Variants in PIAS2 observed in about 807,000 individuals in gnomAD.
PIAS2 encodes the protein protein inhibitor of activated STAT 2.
In PIAS2, 19 loss-of-function variants were observed where a neutral mutation model predicts 69.7. The ratio of observed to expected loss-of-function variants is 0.27; its 90% confidence interval spans 0.19 to 0.40. The LOEUF is 0.40. PIAS2 is among the 10% of genes least tolerant of loss of function. The pLI is 1.00. For synonymous variants in PIAS2, 261 were observed against 263.2 expected, an observed-to-expected ratio of 0.99 and a Z score of 0.08; for missense variants, 624 against 757.0, an observed-to-expected ratio of 0.82 and a Z score of 2.06.
At chr18:46,827,382 C>A (rs186463016) in intron 11 of PIAS2, 1 of 152,224 alleles carries the variant, frequency 6.6e-6, no homozygotes, top group East Asian at 1.9e-4. Context: ...TGCCATCCTA[C>A]CCACCTATAT....
intron 8 of PIAS2, among the ~76,000 whole-genome samples, chr18:46,837,600 G>A (rs1180060117): frequency 2.6e-5 from 4 of 152,018 alleles, no homozygotes; most frequent in Non-Finnish European, 5.9e-5. Context: ...TTTCATTTAT[G>A]AAAATTTGTT....
In PIAS2 at chr18:46,809,069, T is replaced by C. The variant is rs1403556904; in HGVS notation, c.*3364A>G. ...AGTCAGAACAGTCTCTGGTCAATCC[T>C]ACTTTGCTTAAAATCCAACATTTTA... is the stretch of plus-strand genomic sequence containing the variant. On this transcript the variant is annotated 3_prime_UTR_variant, in exon 14 of 14. Transcript: ENST00000585916. 6.6e-6 allele frequency: 1 copy of C among 152,212 alleles called. No homozygotes were observed. Among genetic ancestry groups the C allele is most frequent in the African/African-American group, 2.4e-5 (1 of 41,450 alleles). 9.4% of individuals were successfully genotyped at this position (152,212 alleles called of 1,614,324 possible). A position where few individuals can be genotyped will look rare whatever the true frequency, so the allele number is the denominator to read the frequency against.
At chr18:46,911,688 T>C (rs941591533) in intron 1 of PIAS2, among the ~76,000 whole-genome samples, 13 of 152,238 alleles carry the variant, frequency 8.5e-5, no homozygotes, top group African/African-American at 2.9e-4. Context: ...CAGAAAACTT[T>C]AGAAGAGTTA....
At chr18:46,834,743 G>A (rs1040891580) in intron 9 of PIAS2, among the ~76,000 whole-genome samples, 3 of 152,184 alleles carry the variant, frequency 2.0e-5, no homozygotes, top group Non-Finnish European at 2.9e-5. Context: ...GCCTTCCAAA[G>A]TGCTGGGATG....
At chr18:46,917,067 G>A (rs980784293) in intron 1 of PIAS2, 336 of 988,374 alleles carry the variant, frequency 3.4e-4, no homozygotes, top group Non-Finnish European at 3.8e-4. Context: ...CCCGCGCCAG[G>A]TGTGCGGACC....
chr18:46,851,682 T>TA, intron 5 of PIAS2, among the ~76,000 whole-genome samples: 1 of 152,338 alleles, frequency 6.6e-6, no homozygotes, highest in Non-Finnish European at 1.5e-5. Context: ...CATCTTGATG[T>TA]AGGTTAAAAA....
intron 12 of PIAS2, chr18:46,815,636 G>A (rs2041436082): frequency 8.5e-6 from 9 of 1,065,006 alleles, no homozygotes; most frequent in East Asian, 1.4e-4. Flanking sequence ...CCCCTTTGCC[G>A]CTTAACAGAA....
rs1401437187 is a variant in PIAS2, at chr18:46,815,328, A to G, written c.1670T>C (p.Ile557Thr). ...GATACATACCTGGGGATCAACTGGA[A>G]TAAGGGAAAGAAAATCCAAACCTAA... ...DLPGLDFLSL[I>T]PVDPQYCPPM... The change falls in exon 13 of 14, where the codon ATT becomes ACT. Residue 557 changes from isoleucine (I) to threonine (T), a missense_variant. Physicochemically the swap from Ile to Thr is moderately conservative, Grantham distance 89. Coordinates refer to ENST00000585916, the MANE Select transcript of PIAS2 (RefSeq NM_004671.5). 7 of 1,612,120 alleles carry G rather than the reference A, an allele frequency of 4.3e-6. No individual in the cohort carries two copies. The highest frequency in any genetic ancestry group is 4.2e-6 in the Non-Finnish European group (5 of 1,178,688).
At position 46,817,035 on chromosome 18, in the gene PIAS2, T is replaced by C. The variant is rs1475517418; in HGVS notation, c.1649-1686A>G. ...CATTTTCAATATTTCTATTATTAAG[T>C]AAAAAAAGTTTATTGGAACATTTTG... On this transcript the variant is annotated intron_variant, in intron 12 of 13. Transcript: ENST00000585916. 4.3e-6 allele frequency: 4 copies of C among 937,794 alleles called. No individual in the cohort carries two copies. The African/African-American group carries it at 5.3e-5, about 12-fold the overall frequency. 58.1% of individuals were successfully genotyped at this position (937,794 alleles called of 1,614,324 possible).
intron 1 of PIAS2, among the ~76,000 whole-genome samples, chr18:46,892,923 C>T (rs1274680779): frequency 6.6e-6 from 1 of 151,716 alleles, no homozygotes; most frequent in Non-Finnish European, 1.5e-5. Flanking sequence ...TATACTAAGT[C>T]TTCAATATCT....
At chr18:46,856,202 C>G (rs756686136) in intron 3 of PIAS2, among the ~76,000 whole-genome samples, 3 of 151,696 alleles carry the variant, frequency 2.0e-5, no homozygotes, top group Non-Finnish European at 2.9e-5. Context: ...AGGGTTTCAC[C>G]GTGTTAGCCA....
intron 9 of PIAS2, 69 bp downstream of exon 9, chr18:46,836,287 GT>G (rs1248547294): frequency 1.8e-6 from 2 of 1,139,418 alleles, no homozygotes; most frequent in African/African-American, 3.1e-5. Flanking sequence ...TCAGTAAGTT[GT>G]AGTGAACAAA....
chr18:46,899,856 T>G (rs1598980120), intron 1 of PIAS2, among the ~76,000 whole-genome samples: 1 of 25,300 alleles, frequency 4.0e-5, no homozygotes, highest in Non-Finnish European at 7.2e-5. Context: ...ATGAAGTAAC[T>G]ATCAAATTTG....
chr18:46,919,261 C>T (rs1316759923), upstream of PIAS2, among the ~76,000 whole-genome samples: 2 of 151,602 alleles, frequency 1.3e-5, no homozygotes, highest in African/African-American at 2.4e-5. Context: ...CAGAGGCGGG[C>T]GGATCACCTG....
In PIAS2 at chr18:46,807,381, ATATTTTTTTTTTTTT is replaced by A. The variant is rs1243314160; in HGVS notation, c.*5037_*5051del. On this transcript the variant is annotated 3_prime_UTR_variant, in exon 14 of 14. Transcript: ENST00000585916. ...TATATATATATATATATATATATAT[ATATTTTTTTTTTTTT>A]TTTTTTTTTTTTTTAGAGAGTCTTG... 49 of 19,844 alleles carry A rather than the reference ATATTTTTTTTTTTTT, an allele frequency of 2.5e-3. No individual in the cohort carries two copies. The highest frequency in any genetic ancestry group is 0.019 in the African/African-American group (48 of 2,554). The allele number at this position is 19,844 out of a possible 1,614,324, so 1.2% of individuals were successfully genotyped here.
chr18:46,909,334 C>T (rs757723420), intron 1 of PIAS2, among the ~76,000 whole-genome samples: 34 of 152,196 alleles, frequency 2.2e-4, no homozygotes, highest in Non-Finnish European at 4.1e-4. Flanking sequence ...TCACAGCTCA[C>T]TTCCTAGCTT....
In PIAS2 at chr18:46,889,050, T is replaced by C. The variant is rs566191493; in HGVS notation, c.499+1530A>G. On this transcript the variant is annotated intron_variant, in intron 2 of 13. Coordinates refer to ENST00000585916, the MANE Select transcript of PIAS2 (RefSeq NM_004671.5). ...ATATCCACAAACAAAAGAACAAAGC[T>C]GGACACTCACCTAATACCATATACG... 2.6e-5 allele frequency among the ~76,000 whole-genome samples: 4 copies of C among 152,322 alleles called. No homozygotes were observed. The East Asian group carries it at 7.7e-4, about 29-fold the overall frequency.
chr18:46,872,693 G>A (rs1174926511), intron 2 of PIAS2, among the ~76,000 whole-genome samples: 6 of 152,288 alleles, frequency 3.9e-5, no homozygotes, highest in East Asian at 3.9e-4. Flanking sequence ...GATAAGGCCC[G>A]AACGGGTCAA....
At chr18:46,902,242 GA>G (rs34702120) in intron 1 of PIAS2, among the ~76,000 whole-genome samples, 7,830 of 126,242 alleles carry the variant, frequency 0.062, 221 homozygotes, top group Non-Finnish European at 0.083. Flanking sequence ...ACAAAACACT[GA>G]AAAAAAAAAA....
Sources: gnomAD v4.1 joint callset for allele counts (sites outside exome capture counted in the v4.1 genomes callset) on GRCh38, gnomAD v4.1.1 for gene constraint, MANE v1.5 for transcripts, NCBI Gene and HGNC (gene_info 2026-07-23, HGNC 2026-07-21) for gene names.